The following DENND4C variants were observed in gnomAD, a reference collection of about 807,000 sequenced individuals.
DENND4C encodes DENN domain-containing protein 4C.
In DENND4C, 108 loss-of-function variants were observed where a neutral mutation model predicts 203.0. That is an observed-to-expected ratio of 0.53 (90% CI 0.46 to 0.62). The LOEUF is 0.62. Ranked by LOEUF, DENND4C falls within the 20% of genes least tolerant of loss-of-function variation. The pLI is 0.00. For synonymous variants in DENND4C, 871 were observed against 792.4 expected (o/e 1.10, Z -1.67); for missense variants, 2,481 against 2,301.2 (o/e 1.08, Z -1.60).
At chr9:19,339,626 A>G (rs1056690565) in intron 20 of DENND4C, among the ~76,000 whole-genome samples, 3 of 152,116 alleles carry the variant, frequency 2.0e-5, no homozygotes, top group African/African-American at 4.8e-5. Context: ...GATAGTTACT[A>G]TAATATTTTT....
intron 1 of DENND4C, among the ~76,000 whole-genome samples, chr9:19,244,185 C>G (rs774576077): frequency 1.3e-5 from 2 of 152,118 alleles, no homozygotes; most frequent in African/African-American, 4.8e-5. Context: ...TGCACACCAT[C>G]ACACCTGGCT....
rs897024840 is a variant in DENND4C, at chr9:19,305,363, A to G, written c.1323A>G (p.Pro441=). ...VAEAVVAMIF[P]FQWQCPYIPL... ...AACTTTTTCCCCAGATGATCTTTCC[A>G]TTTCAGTGGCAATGCCCATATATTC... The change falls in exon 10 of 33, where the codon CCA becomes CCG. Residue 441 remains proline, a synonymous_variant. Coordinates refer to ENST00000434457, the MANE Select transcript of DENND4C (RefSeq NM_001330640.2). 3 of 1,599,178 alleles carry G rather than the reference A, an allele frequency of 1.9e-6. No individual in the cohort carries two copies. The African/African-American group carries it at 4.0e-5, about 21-fold the overall frequency.
chr9:19,356,812 A>AGAGAGT (rs971615923), intron 26 of DENND4C, among the ~76,000 whole-genome samples, 160 bp from the exon 27 acceptor site: 2 of 151,554 alleles, frequency 1.3e-5, no homozygotes, highest in African/African-American at 4.8e-5. Context: ...AGAGAGAGAG[A>AGAGAGT]GAGAGTGAGA....
In DENND4C at chr9:19,313,134, A is replaced by G. The variant is rs144798550; in HGVS notation, c.1488-3283A>G. Among the ~76,000 whole-genome samples the G allele has an allele frequency of 3.9e-5, 6 of 152,262 alleles. No homozygotes were observed. In the East Asian group the frequency reaches 9.6e-4, roughly 24 times the overall value. On this transcript the variant is annotated intron_variant, in intron 10 of 32. Coordinates refer to ENST00000434457, the MANE Select transcript of DENND4C (RefSeq NM_001330640.2). Reference sequence around the variant, plus strand: ...CCTAAATGTTATATTATGTGTGTCTATAATTTCATATTTATGTTCCTTTAA... The same window carrying G: ...CCTAAATGTTATATTATGTGTGTCTGTAATTTCATATTTATGTTCCTTTAA...
At chr9:19,340,704 C>T (rs1027344917) in intron 20 of DENND4C, among the ~76,000 whole-genome samples, 5 of 152,132 alleles carry the variant, frequency 3.3e-5, no homozygotes, top group African/African-American at 9.7e-5. Flanking sequence ...TCTGTAGACA[C>T]GGTCTCCAAA....
At chr9:19,250,651 A>T (rs1382326360) in intron 1 of DENND4C, among the ~76,000 whole-genome samples, 1 of 150,696 alleles carries the variant, frequency 6.6e-6, no homozygotes, top group African/African-American at 2.5e-5. Context: ...TACTTCCTGG[A>T]TTCAATGGGG....
At chr9:19,297,828 T>C (rs1425990946) in intron 6 of DENND4C, among the ~76,000 whole-genome samples, 2 of 152,138 alleles carry the variant, frequency 1.3e-5, no homozygotes, top group Non-Finnish European at 2.9e-5. Flanking sequence ...TGGGTAATGA[T>C]AGGGGATATA....
intron 1 of DENND4C, among the ~76,000 whole-genome samples, chr9:19,260,275 C>G (rs1191133991): frequency 1.3e-5 from 2 of 152,014 alleles, no homozygotes; most frequent in African/African-American, 4.8e-5. Flanking sequence ...CATATGTCTT[C>G]TTTTGAGAAA....
intron 1 of DENND4C, among the ~76,000 whole-genome samples, chr9:19,257,177 A>G (rs1329599339): frequency 1.3e-5 from 2 of 151,776 alleles, no homozygotes; most frequent in African/African-American, 2.4e-5. Flanking sequence ...GAAAACGGCT[A>G]TAAAAAAATA....
intron 5 of DENND4C, among the ~76,000 whole-genome samples, chr9:19,291,790 A>T (rs1836370555): frequency 6.6e-6 from 1 of 152,184 alleles, no homozygotes; most frequent in East Asian, 1.9e-4. Flanking sequence ...TAAATGTGGT[A>T]CATACAAATG....
intron 1 of DENND4C, among the ~76,000 whole-genome samples, chr9:19,236,422 G>A (rs1821982924): frequency 6.6e-6 from 1 of 152,156 alleles, no homozygotes; most frequent in East Asian, 1.9e-4. Context: ...ATGTGATGAA[G>A]TTTATTAATA....
chr9:19,326,907 T>C (rs573684594), intron 15 of DENND4C, among the ~76,000 whole-genome samples: 1 of 152,228 alleles, frequency 6.6e-6, no homozygotes, highest in South Asian at 2.1e-4. Context: ...GCATTTATTA[T>C]GATTTATTTA....
intron 2 of DENND4C, among the ~76,000 whole-genome samples, chr9:19,280,761 A>C (rs534672725): frequency 6.6e-6 from 1 of 151,472 alleles, no homozygotes; most frequent in South Asian, 2.1e-4. Flanking sequence ...TTTTTTTGAG[A>C]CAGTGTCTCA....
intron 26 of DENND4C, among the ~76,000 whole-genome samples, chr9:19,354,316 G>A (rs1292301984): frequency 6.6e-6 from 1 of 152,090 alleles, no homozygotes; most frequent in East Asian, 1.9e-4. Context: ...TTGTGAAGTA[G>A]TTTCTCTAAG....
At chr9:19,277,883 C>A (rs1473613411) in intron 2 of DENND4C, among the ~76,000 whole-genome samples, 5 of 152,074 alleles carry the variant, frequency 3.3e-5, no homozygotes, top group Non-Finnish European at 1.5e-5. Context: ...TAAATTTTGT[C>A]AGATGCCTTT....
chr9:19,320,491 G>A (rs929383068), intron 12 of DENND4C, among the ~76,000 whole-genome samples: 2 of 152,158 alleles, frequency 1.3e-5, no homozygotes, highest in African/African-American at 2.4e-5. Flanking sequence ...GAGCCACTGC[G>A]CTCGGCCCAC....
At position 19,286,930 on chromosome 9, in the gene DENND4C, C is replaced by T; in HGVS notation, c.467C>T (p.Ala156Val). The T allele has an allele frequency of 2.4e-6, 3 of 1,232,108 alleles. No homozygotes were observed. The highest frequency in any genetic ancestry group is 1.5e-5 in the African/African-American group (1 of 64,536). 76.3% of individuals were successfully genotyped at this position (1,232,108 alleles called of 1,614,324 possible). The change falls in exon 3 of 33, where the codon GCT becomes GTT. Residue 156 changes from alanine (A) to valine (V), a missense_variant. Coordinates refer to ENST00000434457, the MANE Select transcript of DENND4C (RefSeq NM_001330640.2). ...CCAGTTCGACCCCAGAATTCCTTGG[C>T]TGTAACTGATATCTGTGTTATTGTA... is the stretch of plus-strand genomic sequence containing the variant. ...APPVRPQNSL[A>V]VTDICVIVTS...
chr9:19,328,272 C>G, intron 16 of DENND4C, 110 bp downstream of exon 16: 1 of 1,111,088 alleles, frequency 9.0e-7, no homozygotes, highest in South Asian at 1.8e-5. Context: ...TGAAGACTCA[C>G]TTTGGTTGTT....
chr9:19,351,444 G>A (rs1364740463), intron 24 of DENND4C, among the ~76,000 whole-genome samples: 1 of 152,148 alleles, frequency 6.6e-6, no homozygotes, highest in Non-Finnish European at 1.5e-5. Context: ...TGTCATTGAA[G>A]TTTCTTACTC....
Sources: gnomAD v4.1 joint callset for allele counts (sites outside exome capture counted in the v4.1 genomes callset) on GRCh38, gnomAD v4.1.1 for gene constraint, MANE v1.5 for transcripts, NCBI Gene and HGNC (gene_info 2026-07-23, HGNC 2026-07-21) for gene names.